PRKN: variants seen among roughly 807,000 people sequenced by gnomAD.
PRKN encodes E3 ubiquitin-protein ligase parkin.
Under a neutral mutation model 59.5 loss-of-function variants are expected in PRKN, and 56 were observed. The observed-to-expected ratio is 0.94, with a 90% CI of 0.76 to 1.18. PRKN has a LOEUF of 1.18. Among genes scored for constraint, PRKN ranks in the 50% most tolerant of loss-of-function variants. The pLI is 0.00. For synonymous variants in PRKN, 250 were observed against 222.1 expected (o/e 1.13, Z -1.12); for missense variants, 657 against 596.4 (o/e 1.10, Z -1.06).
chr6:162,434,135 A>G (rs1376984426), intron 2 of PRKN, among the ~76,000 whole-genome samples: 1 of 152,090 alleles, frequency 6.6e-6, no homozygotes, highest in Admixed American at 6.5e-5. Context: ...AAAAATTATA[A>G]TTTTTCCCAG....
At chr6:161,478,168 A>C (rs1228511406) in intron 9 of PRKN, among the ~76,000 whole-genome samples, 5 of 152,186 alleles carry the variant, frequency 3.3e-5, no homozygotes, top group Non-Finnish European at 7.4e-5. Flanking sequence ...ATCTGAACAA[A>C]TTTGAGAGTG....
At chr6:161,980,901 C>T (rs1049479012) in intron 5 of PRKN, among the ~76,000 whole-genome samples, 3 of 152,186 alleles carry the variant, frequency 2.0e-5, no homozygotes, top group Non-Finnish European at 2.9e-5. Flanking sequence ...TAATCAGCCT[C>T]CACTAAAAAC....
chr6:161,622,264 GGCTGTGTA>G (rs1229056305), intron 7 of PRKN, among the ~76,000 whole-genome samples: 3 of 152,154 alleles, frequency 2.0e-5, no homozygotes, highest in African/African-American at 7.2e-5. Flanking sequence ...CTTTGCTTAG[GGCTGTGTA>G]GCCTCTGAAG....
chr6:161,598,520 G>T (rs990821687), intron 7 of PRKN, among the ~76,000 whole-genome samples: 1 of 152,110 alleles, frequency 6.6e-6, no homozygotes. Context: ...ATTTTAATTT[G>T]CCTTCTTAGC....
At chr6:162,431,178 C>A (rs1205439629) in intron 2 of PRKN, among the ~76,000 whole-genome samples, 2 of 114,870 alleles carry the variant, frequency 1.7e-5, no homozygotes, top group Admixed American at 8.0e-5. Context: ...CATTTAGTTG[C>A]TAAAAAAAAA....
chr6:161,765,798 T>C (rs1325189695), intron 7 of PRKN, among the ~76,000 whole-genome samples: 2 of 152,168 alleles, frequency 1.3e-5, no homozygotes. Flanking sequence ...TAGTTATATA[T>C]GAACAATAAA....
chr6:162,339,367 C>T (rs1367568073), intron 2 of PRKN, among the ~76,000 whole-genome samples: 2 of 146,148 alleles, frequency 1.4e-5, no homozygotes, highest in Non-Finnish European at 3.0e-5. Flanking sequence ...CCCGGCCAGC[C>T]GCCCCGTCCG....
chr6:162,574,136 C>T (rs987400493), intron 1 of PRKN, among the ~76,000 whole-genome samples: 1 of 152,154 alleles, frequency 6.6e-6, no homozygotes, highest in Non-Finnish European at 1.5e-5. Context: ...GATTAGCCCT[C>T]TGAGGCCATC....
At position 162,569,299 on chromosome 6, in the gene PRKN, T is replaced by A. The variant is rs565403375; in HGVS notation, c.8-125826A>T. 2.9e-4 allele frequency: 176 copies of A among 607,558 alleles called. No individual in the cohort carries two copies. In the African/African-American group the frequency reaches 3.0e-3, roughly 10 times the overall value. The allele number at this position is 607,558 out of a possible 1,614,324, so 37.6% of individuals were successfully genotyped here. ...CCACCATCGCAGATGTCAAGCAGCG[T>A]GGGGAGCTGGCCATTAAGGATGCCA... On this transcript the variant is annotated intron_variant, in intron 1 of 11. Coordinates refer to ENST00000366898, the MANE Select transcript of PRKN (RefSeq NM_004562.3).
chr6:162,618,877 T>TA (rs1782539934), intron 1 of PRKN, among the ~76,000 whole-genome samples: 1 of 152,156 alleles, frequency 6.6e-6, no homozygotes, highest in South Asian at 2.1e-4. Flanking sequence ...GCATTCGCAG[T>TA]AAGAGAGCCA....
chr6:161,793,943 T>C (rs1790737357), intron 6 of PRKN, among the ~76,000 whole-genome samples: 1 of 152,180 alleles, frequency 6.6e-6, no homozygotes, highest in Non-Finnish European at 1.5e-5. Context: ...GTATTCAATA[T>C]TGTTAAATTC....
intron 1 of PRKN, among the ~76,000 whole-genome samples, chr6:162,608,420 T>C (rs1023190567): frequency 1.3e-5 from 2 of 152,064 alleles, no homozygotes; most frequent in African/African-American, 4.8e-5. Flanking sequence ...GGTCAAGGTG[T>C]CGGATGCTAA....
chr6:162,482,879 A>G (rs1223635570), intron 1 of PRKN, among the ~76,000 whole-genome samples: 1 of 152,122 alleles, frequency 6.6e-6, no homozygotes, highest in African/African-American at 2.4e-5. Flanking sequence ...ACCTAATACC[A>G]AACTGACGCA....
At chr6:161,714,443 A>G (rs1786885501) in intron 7 of PRKN, among the ~76,000 whole-genome samples, 1 of 152,136 alleles carries the variant, frequency 6.6e-6, no homozygotes, top group Non-Finnish European at 1.5e-5. Context: ...AAGACACAGC[A>G]AGGAGGTGTC....
At chr6:161,955,384 T>A (rs1388593242) in intron 6 of PRKN, among the ~76,000 whole-genome samples, 1 of 152,206 alleles carries the variant, frequency 6.6e-6, no homozygotes, top group Non-Finnish European at 1.5e-5. Flanking sequence ...ATATCTAGAT[T>A]CTTGCCTCAT....
chr6:162,076,612 A>G (rs995135632), intron 4 of PRKN, among the ~76,000 whole-genome samples: 3 of 152,122 alleles, frequency 2.0e-5, no homozygotes, highest in African/African-American at 7.3e-5. Flanking sequence ...AAAACTAACT[A>G]AATTTGTAGT....
At chr6:161,478,523 T>C (rs114631760) in intron 9 of PRKN, among the ~76,000 whole-genome samples, 1,540 of 147,324 alleles carry the variant, frequency 0.01, 29 homozygotes, top group African/African-American at 0.037. Context: ...TCAAAATAGC[T>C]GTTATGTGGC....
At chr6:161,563,406 G>T (rs1436187153) in intron 8 of PRKN, among the ~76,000 whole-genome samples, 6 of 152,122 alleles carry the variant, frequency 3.9e-5, no homozygotes, top group Non-Finnish European at 7.4e-5. Context: ...AATGCAATTG[G>T]TTCAAAGGCC....
At chr6:161,556,823 C>A (rs1780256253) in intron 8 of PRKN, among the ~76,000 whole-genome samples, 1 of 152,096 alleles carries the variant, frequency 6.6e-6, no homozygotes, top group African/African-American at 2.4e-5. Context: ...CTCAACTGAG[C>A]TCAAAAGTGG....
Sources: allele counts gnomAD v4.1 joint callset (sites outside exome capture counted in the v4.1 genomes callset), GRCh38; gene constraint gnomAD v4.1.1; transcripts MANE v1.5; gene names NCBI Gene and HGNC (gene_info 2026-07-23, HGNC 2026-07-21).